CLEC11A: variants seen among roughly 807,000 people sequenced by gnomAD.
The protein encoded by CLEC11A is C-type lectin domain containing 11A.
CLEC11A carries 35 observed loss-of-function variants against 33.9 expected under a neutral mutation model. The observed-to-expected ratio is 1.03, with a 90% CI of 0.79 to 1.37. CLEC11A has a LOEUF of 1.37. Among genes scored for constraint, CLEC11A ranks in the 40% most tolerant of loss-of-function variants. CLEC11A has a pLI of 0.00. For missense variants in CLEC11A, 519 were observed against 455.5 expected (o/e 1.14, Z -1.27); for synonymous variants, 220 against 202.2 (o/e 1.09, Z -0.75).
At position 50,723,616 on chromosome 19, in the gene CLEC11A, G is replaced by A. The variant is rs1186525477; in HGVS notation, c.91G>A (p.Gly31Arg). ...TCGGGGAGCAGAGAGGGAGTGGGAGGGAGGCTGGGGAGGTGCCCAGGAGGA... is the reference window on the plus strand; with the variant it reads ...TCGGGGAGCAGAGAGGGAGTGGGAGAGAGGCTGGGGAGGTGCCCAGGAGGA... ...GARGAEREWE[G>R]GWGGAQEEER... The change falls in exon 1 of 4, where the codon GGA becomes AGA. Residue 31 changes from glycine (G) to arginine (R), a missense_variant. Transcript: ENST00000250340. The surrounding 1 kb of genome is among the most constrained non-coding windows in gnomAD (Gnocchi z 4.1). 6.2e-7 allele frequency: 1 copy of A among 1,608,634 alleles called. No homozygotes were observed. Among genetic ancestry groups the A allele is most frequent in the Non-Finnish European group, 8.5e-7 (1 of 1,178,284 alleles).
rs367979493 is a variant in CLEC11A at position 50,725,243 on chromosome 19, C to A, written c.748C>A (p.Leu250Ile). Residue 250 changes from leucine (L) to isoleucine (I), a missense_variant, in exon 4 of 4, where the codon CTC becomes ATC. Transcript: ENST00000250340. ...CGTGCACGATCGGCGCGCCGAGGGC[C>A]TCTACCTCTTCGAAAACGGCCAGCG... ...LGVHDRRAEG[L>I]YLFENGQRVS... The A allele has an allele frequency of 1.1e-5, 17 of 1,608,562 alleles. No homozygotes were observed. In the African/African-American group the frequency reaches 1.9e-4, roughly 18 times the overall value.
chr19:50,725,623 G>C lies in CLEC11A; in HGVS notation c.*156G>C. 1 of 1,309,286 alleles carries C rather than the reference G, an allele frequency of 7.6e-7. No homozygotes were observed. Among genetic ancestry groups the C allele is most frequent in the Non-Finnish European group, 1.0e-6 (1 of 980,592 alleles). The allele number at this position is 1,309,286 out of a possible 1,614,324, so 81.1% of individuals were successfully genotyped here. A position where few individuals can be genotyped will look rare whatever the true frequency, so the allele number is the denominator to read the frequency against. On this transcript the variant is annotated 3_prime_UTR_variant, in exon 4 of 4. Transcript: ENST00000250340. The stretch of plus-strand genomic sequence containing the variant: ...GCGCTTCTGGGAGGGCTCTTGCGGT[G>C]CCGGCACTCCTCCTTGTTAGTGTCT...
At position 50,725,050 on chromosome 19, in the gene CLEC11A, C is replaced by T; in HGVS notation, c.555C>T (p.His185=). The change falls in exon 4 of 4, where the codon CAC becomes CAT. Residue 185 remains histidine, a synonymous_variant. Transcript: ENST00000250340. ...GCCTGAAGGGGCTGCGCCTGGGCCA[C>T]AAGTGCTTCCTGCTCTCGCGCGACT... The part of the protein sequence containing the change: ...EGCLKGLRLG[H]KCFLLSRDFE... 6.6e-7 allele frequency: 1 copy of T among 1,514,052 alleles called. No individual in the cohort carries two copies. The highest frequency in any genetic ancestry group is 1.4e-5 in the African/African-American group (1 of 70,272). The allele number at this position is 1,514,052 out of a possible 1,614,324, so 93.8% of individuals were successfully genotyped here. A position where few individuals can be genotyped will look rare whatever the true frequency, so the allele number is the denominator to read the frequency against.
chr19:50,725,237 G>C lies in CLEC11A; in HGVS notation c.742G>C (p.Glu248Gln), dbSNP rs1461313507. The C allele has an allele frequency of 1.2e-6, 2 of 1,605,582 alleles. No homozygotes were observed. Among genetic ancestry groups the C allele is most frequent in the Admixed American group, 3.4e-5 (2 of 59,208 alleles). Residue 248 changes from glutamate to glutamine, a missense_variant, in exon 4 of 4, where the codon GAG (glutamate) becomes CAG (glutamine). Physicochemically the swap from Glu to Gln is conservative, Grantham distance 29. Transcript: ENST00000250340. Reference sequence around the variant, plus strand: ...GCTGGGCGTGCACGATCGGCGCGCCGAGGGCCTCTACCTCTTCGAAAACGG... The same window carrying C: ...GCTGGGCGTGCACGATCGGCGCGCCCAGGGCCTCTACCTCTTCGAAAACGG... Reference protein sequence around the residue: ...VWLGVHDRRAEGLYLFENGQR... With the variant: ...VWLGVHDRRAQGLYLFENGQR...
In CLEC11A at chr19:50,725,620, G is replaced by A. The variant is rs796824886; in HGVS notation, c.*153G>A. 17 of 1,342,642 alleles carry A rather than the reference G, an allele frequency of 1.3e-5. No homozygotes were observed. In the African/African-American group the frequency reaches 1.9e-4, roughly 15 times the overall value. The allele number at this position is 1,342,642 out of a possible 1,614,324, so 83.2% of individuals were successfully genotyped here. A position where few individuals can be genotyped will look rare whatever the true frequency, so the allele number is the denominator to read the frequency against. On this transcript the variant is annotated 3_prime_UTR_variant, in exon 4 of 4. Coordinates refer to ENST00000250340, the MANE Select transcript of CLEC11A (RefSeq NM_002975.3). Reference sequence around the variant, plus strand: ...TGGGCGCTTCTGGGAGGGCTCTTGCGGTGCCGGCACTCCTCCTTGTTAGTG... The same window carrying A: ...TGGGCGCTTCTGGGAGGGCTCTTGCAGTGCCGGCACTCCTCCTTGTTAGTG...
Position 50,724,136 on chromosome 19 carries a change from G to A in CLEC11A, c.334+45G>A, listed in dbSNP as rs758516738. 2 of 1,603,080 alleles carry A rather than the reference G, an allele frequency of 1.2e-6. No homozygotes were observed. Among genetic ancestry groups the A allele is most frequent in the Non-Finnish European group, 1.7e-6 (2 of 1,176,898 alleles). On this transcript the variant is annotated intron_variant, in intron 2 of 3. Coordinates refer to ENST00000250340, the MANE Select transcript of CLEC11A (RefSeq NM_002975.3). The surrounding 1 kb of genome is among the most constrained non-coding windows in gnomAD (Gnocchi z 4.1). ...CACCCCCAAACTCCTAGGCCGCCGCGGTCACTTTCGCAAAAATGAAGGGTC... is the reference window on the plus strand; with the variant it reads ...CACCCCCAAACTCCTAGGCCGCCGCAGTCACTTTCGCAAAAATGAAGGGTC...
chr19:50,724,925 G>A lies in CLEC11A; in HGVS notation c.527-97G>A. The A allele has an allele frequency of 7.1e-7, 1 of 1,410,728 alleles. No individual in the cohort carries two copies. Among genetic ancestry groups the A allele is most frequent in the Admixed American group, 3.2e-5 (1 of 31,290 alleles). The allele number at this position is 1,410,728 out of a possible 1,614,324, so 87.4% of individuals were successfully genotyped here. On this transcript the variant is annotated intron_variant, in intron 3 of 3. Coordinates refer to ENST00000250340, the MANE Select transcript of CLEC11A (RefSeq NM_002975.3). The surrounding 1 kb of genome is among the most constrained non-coding windows in gnomAD (Gnocchi z 4.1). ...TCCCAGCCCTCCCCATGAGTTCCTG[G>A]CCCCGCCTCCCTCCACCCCCGGATG...
chr19:50,723,559 G>A lies in CLEC11A; in HGVS notation c.34G>A (p.Val12Ile), dbSNP rs2089158697. The change falls in exon 1 of 4, where the codon GTC becomes ATC. Residue 12 changes from valine to isoleucine, a missense_variant. Val to Ile is a conservative substitution (Grantham distance 29, BLOSUM62 3). Transcript: ENST00000250340. The surrounding 1 kb of genome is among the most constrained non-coding windows in gnomAD (Gnocchi z 4.1). The stretch of plus-strand genomic sequence containing the variant: ...AGCCTGGCTTTTGGGGGCTTTGGTG[G>A]TCCCCCAGCTCTTGGGCTTTGGCCA... ...QAAWLLGALV[V>I]PQLLGFGHGA... The A allele has an allele frequency of 6.2e-7, 1 of 1,612,368 alleles. No homozygotes were observed. Among genetic ancestry groups the A allele is most frequent in the African/African-American group, 1.3e-5 (1 of 74,844 alleles).
Position 50,724,589 on chromosome 19 carries a change from G to T in CLEC11A, c.514G>T (p.Gly172Cys). Residue 172 changes from glycine to cysteine, a missense_variant, in exon 3 of 4, where the codon GGC (glycine) becomes TGC (cysteine). By Grantham distance (159) the Gly-to-Cys change is radical. Coordinates refer to ENST00000250340, the MANE Select transcript of CLEC11A (RefSeq NM_002975.3). This position sits in a 1 kb window ranked among gnomAD's most constrained non-coding sequence, Gnocchi z 4.1. Reference protein sequence around the residue: ...EAQGRAEREHGRLEGCLKGLR... With the variant: ...EAQGRAEREHCRLEGCLKGLR... The stretch of plus-strand genomic sequence containing the variant: ...GCAGGGTCGCGCCGAGCGCGAGCAC[G>T]GCCGCTTGGAGGGTGAGTCCGCGGC... 7.0e-7 allele frequency: 1 copy of T among 1,419,558 alleles called. No homozygotes were observed. Among genetic ancestry groups the T allele is most frequent in the Non-Finnish European group, 9.2e-7 (1 of 1,091,126 alleles). 87.9% of individuals were successfully genotyped at this position (1,419,558 alleles called of 1,614,324 possible). A position where few individuals can be genotyped will look rare whatever the true frequency, so the allele number is the denominator to read the frequency against.
chr19:50,723,512 A>G lies in CLEC11A; in HGVS notation c.-14A>G, dbSNP rs1246050132. On this transcript the variant is annotated 5_prime_UTR_variant, in exon 1 of 4. Transcript: ENST00000250340. This position sits in a 1 kb window ranked among gnomAD's most constrained non-coding sequence, Gnocchi z 4.1. ...CCAGACATCTGGAACTTTGGGTGCC[A>G]AGAGTCCAGCTTAATGCAGGCAGCC... 5.6e-6 allele frequency: 9 copies of G among 1,611,728 alleles called. No homozygotes were observed. Among genetic ancestry groups the G allele is most frequent in the Non-Finnish European group, 7.6e-6 (9 of 1,179,798 alleles).
At position 50,725,111 on chromosome 19, in the gene CLEC11A, G is replaced by T; in HGVS notation, c.616G>T (p.Ala206Ser). The T allele has an allele frequency of 6.5e-7, 1 of 1,537,620 alleles. No individual in the cohort carries two copies. The highest frequency in any genetic ancestry group is 1.4e-5 in the African/African-American group (1 of 72,288). The change falls in exon 4 of 4, where the codon GCG becomes TCG. Residue 206 changes from alanine (A) to serine (S), a missense_variant. Transcript: ENST00000250340. ...AQAAAQARCT[A>S]RGGSLAQPAD... ...GGCGGCGGCGCAGGCGCGGTGCACG[G>T]CGCGGGGCGGGAGCCTGGCGCAGCC...
chr19:50,725,126 C>G lies in CLEC11A; in HGVS notation c.631C>G (p.Leu211Val), dbSNP rs754091311. The change falls in exon 4 of 4, where the codon CTG becomes GTG. Residue 211 changes from leucine (L) to valine (V), a missense_variant. By Grantham distance (32) the Leu-to-Val change is conservative. Coordinates refer to ENST00000250340, the MANE Select transcript of CLEC11A (RefSeq NM_002975.3). ...QARCTARGGS[L>V]AQPADRQQME... ...GCGGTGCACGGCGCGGGGCGGGAGCCTGGCGCAGCCGGCAGACCGCCAGCA... is the reference window on the plus strand; with the variant it reads ...GCGGTGCACGGCGCGGGGCGGGAGCGTGGCGCAGCCGGCAGACCGCCAGCA... 2 of 1,544,832 alleles carry G rather than the reference C, an allele frequency of 1.3e-6. No homozygotes were observed. Among genetic ancestry groups the G allele is most frequent in the South Asian group, 2.4e-5 (2 of 83,688 alleles).
chr19:50,725,004 A>G lies in CLEC11A; in HGVS notation c.527-18A>G, dbSNP rs771868470. 1 of 1,442,384 alleles carries G rather than the reference A, an allele frequency of 6.9e-7. No individual in the cohort carries two copies. The highest frequency in any genetic ancestry group is 9.1e-7 in the Non-Finnish European group (1 of 1,102,686). 89.3% of individuals were successfully genotyped at this position (1,442,384 alleles called of 1,614,324 possible). The stretch of plus-strand genomic sequence containing the variant: ...AATGCATGACCCCGCCTCCTTCTCT[A>G]CCCGGCCCCGCCCACAGGCTGCCTG... On this transcript the variant is annotated intron_variant, in intron 3 of 3. Transcript: ENST00000250340.
Position 50,724,281 on chromosome 19 carries a change from C to T in CLEC11A, c.335-129C>T. 1 of 1,243,522 alleles carries T rather than the reference C, an allele frequency of 8.0e-7. No homozygotes were observed. Among genetic ancestry groups the T allele is most frequent in the Non-Finnish European group, 1.1e-6 (1 of 923,244 alleles). The allele number at this position is 1,243,522 out of a possible 1,614,324, so 77.0% of individuals were successfully genotyped here. A position where few individuals can be genotyped will look rare whatever the true frequency, so the allele number is the denominator to read the frequency against. ...GCCTGGGCCACTCGACCCTACCTTC[C>T]AGGAGTCCGGGGTGCCCCCCCCACC... On this transcript the variant is annotated intron_variant, in intron 2 of 3. Transcript: ENST00000250340. The surrounding 1 kb of genome is among the most constrained non-coding windows in gnomAD (Gnocchi z 4.1).
chr19:50,725,456 T>C lies in CLEC11A; in HGVS notation c.961T>C (p.Phe321Leu), dbSNP rs375371915. ...CQRRLYYVCE[F>L]PF ...GCGGCGTCTCTACTACGTCTGCGAGTTCCCCTTCTAGCGGGGCCGGTACCC... is the reference window on the plus strand; with the variant it reads ...GCGGCGTCTCTACTACGTCTGCGAGCTCCCCTTCTAGCGGGGCCGGTACCC... Residue 321 changes from phenylalanine (F) to leucine (L), a missense_variant, in exon 4 of 4, where the codon TTC becomes CTC. Coordinates refer to ENST00000250340, the MANE Select transcript of CLEC11A (RefSeq NM_002975.3). 91 of 1,598,154 alleles carry C rather than the reference T, an allele frequency of 5.7e-5. No homozygotes were observed. Among genetic ancestry groups the C allele is most frequent in the Non-Finnish European group, 8.5e-6 (10 of 1,170,202 alleles).
Position 50,723,440 on chromosome 19 carries a change from AG to A in CLEC11A, c.-82del. The A allele has an allele frequency of 7.0e-7, 1 of 1,436,444 alleles. No individual in the cohort carries two copies. Among genetic ancestry groups the A allele is most frequent in the Middle Eastern group, 2.4e-4 (1 of 4,090 alleles). The allele number at this position is 1,436,444 out of a possible 1,614,324, so 89.0% of individuals were successfully genotyped here. A position where few individuals can be genotyped will look rare whatever the true frequency, so the allele number is the denominator to read the frequency against. On this transcript the variant is annotated 5_prime_UTR_variant, in exon 1 of 4. Transcript: ENST00000250340. This position sits in a 1 kb window ranked among gnomAD's most constrained non-coding sequence, Gnocchi z 4.1. ...GGGGCTAGTGACCTGCACACAGGGC[AG>A]GGGCACTCGGCAGTTCCCAGAGGCC...
In CLEC11A at chr19:50,723,553, T is replaced by C. The variant is rs748751027; in HGVS notation, c.28T>C (p.Leu10=). 3.1e-6 allele frequency: 5 copies of C among 1,612,230 alleles called. No homozygotes were observed. In the South Asian group the frequency reaches 5.5e-5, roughly 18 times the overall value. ...GCAGGCAGCCTGGCTTTTGGGGGCT[T>C]TGGTGGTCCCCCAGCTCTTGGGCTT... The part of the protein sequence containing the change: MQAAWLLGA[L]VVPQLLGFGH... Residue 10 remains leucine (L), a synonymous_variant, in exon 1 of 4, where the codon TTG becomes CTG. Coordinates refer to ENST00000250340, the MANE Select transcript of CLEC11A (RefSeq NM_002975.3). The surrounding 1 kb of genome is among the most constrained non-coding windows in gnomAD (Gnocchi z 4.1).
At position 50,723,389 on chromosome 19, in the gene CLEC11A, G is replaced by C; in HGVS notation, c.-137G>C. ...AGAGACGAGGAGAGGAACAGGAAGA[G>C]AGAAGCTGGGAGAATCGGGAACCTG... is the stretch of plus-strand genomic sequence containing the variant. On this transcript the variant is annotated 5_prime_UTR_variant, in exon 1 of 4. Coordinates refer to ENST00000250340, the MANE Select transcript of CLEC11A (RefSeq NM_002975.3). This position sits in a 1 kb window ranked among gnomAD's most constrained non-coding sequence, Gnocchi z 4.1. 3 of 821,506 alleles carry C rather than the reference G, an allele frequency of 3.7e-6. No individual in the cohort carries two copies. The highest frequency in any genetic ancestry group is 2.1e-5 in the Admixed American group (1 of 48,534). The allele number at this position is 821,506 out of a possible 1,614,324, so 50.9% of individuals were successfully genotyped here. A position where few individuals can be genotyped will look rare whatever the true frequency, so the allele number is the denominator to read the frequency against.
In CLEC11A at chr19:50,725,337, A is replaced by G. The variant is rs1599881368; in HGVS notation, c.842A>G (p.His281Arg). 2.5e-6 allele frequency: 4 copies of G among 1,611,766 alleles called. No individual in the cohort carries two copies. The East Asian group carries it at 8.9e-5, about 36-fold the overall frequency. Residue 281 changes from histidine to arginine, a missense_variant, in exon 4 of 4, where the codon CAT becomes CGT. Coordinates refer to ENST00000250340, the MANE Select transcript of CLEC11A (RefSeq NM_002975.3). ...GGCGCCCAGCCCAGCGCCTCGCCGCATCCGCTCAGCCCGGACCAGCCCAAC... is the reference window on the plus strand; with the variant it reads ...GGCGCCCAGCCCAGCGCCTCGCCGCGTCCGCTCAGCCCGGACCAGCCCAAC... The part of the protein sequence containing the change: ...ELGAQPSASP[H>R]PLSPDQPNGG...
Sources: allele counts gnomAD v4.1 joint callset, GRCh38; gene constraint gnomAD v4.1.1; non-coding constraint Gnocchi (gnomAD v3.1); transcripts MANE v1.5; gene names NCBI Gene and HGNC (gene_info 2026-07-23, HGNC 2026-07-21).